ZNF578: variants seen among roughly 807,000 people sequenced by gnomAD.
ZNF578 encodes the protein zinc finger protein 578, also known as Putative chemokine-related protein B42.
Under a neutral mutation model 8.3 loss-of-function variants are expected in ZNF578, and 8 were observed. The ratio of observed to expected loss-of-function variants is 0.96; its 90% CI spans 0.56 to 1.74. The LOEUF (loss-of-function observed/expected upper bound fraction) is 1.74. Ranked by LOEUF, ZNF578 falls within the 40% of genes most tolerant of loss-of-function variation. ZNF578 has a pLI of 0.00. For synonymous variants in ZNF578, 206 were observed against 232.2 expected (o/e 0.89, Z 1.03); for missense variants, 726 against 707.5 (o/e 1.03, Z -0.30).
intron 2 of ZNF578, among the ~76,000 whole-genome samples, chr19:52,460,248 G>T (rs1288224478): frequency 6.6e-6 from 1 of 151,838 alleles, no homozygotes; most frequent in Non-Finnish European, 1.5e-5. Context: ...TCAGTAATGG[G>T]TATACCATTT....
intron 2 of ZNF578, among the ~76,000 whole-genome samples, chr19:52,477,936 G>T (rs2059313248): frequency 6.6e-6 from 1 of 152,178 alleles, no homozygotes; most frequent in African/African-American, 2.4e-5. Context: ...ATTGTACTGG[G>T]ACTCCCTCTT....
Position 52,516,072 on chromosome 19 carries a change from A to G in ZNF578, c.*3918A>G, listed in dbSNP as rs1350553383. Among the ~76,000 whole-genome samples, 6 of 151,758 alleles carry G rather than the reference A, an allele frequency of 4.0e-5. No homozygotes were observed. Among genetic ancestry groups the G allele is most frequent in the Non-Finnish European group, 7.4e-5 (5 of 67,950 alleles). ...TCATGACTCCCTCTGCCCCAGTCAC[A>G]TTTGCTTTTCTCTTTTCCCAAACAT... On this transcript the variant is annotated 3_prime_UTR_variant, in exon 6 of 6. Transcript: ENST00000421239.
At chr19:52,474,013 A>G (rs541043062) in intron 2 of ZNF578, 27 of 416,170 alleles carry the variant, frequency 6.5e-5, no homozygotes, top group Admixed American at 1.2e-4. Flanking sequence ...GAGTTCTCCA[A>G]TGTCGTGCAA....
chr19:52,481,084 C>T (rs757015437), intron 2 of ZNF578, among the ~76,000 whole-genome samples: 20 of 152,064 alleles, frequency 1.3e-4, no homozygotes, highest in Non-Finnish European at 2.5e-4. Context: ...TGACTCTGAG[C>T]ACTCACAGGC....
At position 52,510,894 on chromosome 19, in the gene ZNF578, G is replaced by T. The variant is rs748352758; in HGVS notation, c.513G>T (p.Gln171His). 15 of 1,614,156 alleles carry T rather than the reference G, an allele frequency of 9.3e-6. No homozygotes were observed. The highest frequency in any genetic ancestry group is 1.7e-5 in the Admixed American group (1 of 60,012). Residue 171 changes from glutamine to histidine, a missense_variant, in exon 6 of 6, where the codon CAG becomes CAT. By Grantham distance (24) the Gln-to-His change is conservative (BLOSUM62 0). Coordinates refer to ENST00000421239, the MANE Select transcript of ZNF578 (RefSeq NM_001099694.2). ...ATCTTCCTGAACTCCACATATTTCA[G>T]CCCGAAGAGAAAATTGCTAATCAAG... ...HLHLPELHIF[Q>H]PEEKIANQVE...
At chr19:52,461,959 C>CT (rs1454215945) in intron 2 of ZNF578, among the ~76,000 whole-genome samples, 1 of 152,126 alleles carries the variant, frequency 6.6e-6, no homozygotes, top group East Asian at 1.9e-4. Context: ...AGTGTCATCT[C>CT]TTTGATAGTA....
chr19:52,477,177 C>CTCTAAATGCCAGGGGGAGCTTTGGTA (rs2059310810), intron 2 of ZNF578, among the ~76,000 whole-genome samples: 1 of 152,166 alleles, frequency 6.6e-6, no homozygotes, highest in Admixed American at 6.5e-5. Flanking sequence ...TGGTAAAGGT[C>CTCTAAATGCCAGGGGGAGCTTTGGTA]TCTAAATGCC....
At chr19:52,476,410 T>C (rs997219276) in intron 2 of ZNF578, among the ~76,000 whole-genome samples, 1 of 152,178 alleles carries the variant, frequency 6.6e-6, no homozygotes, top group African/African-American at 2.4e-5. Flanking sequence ...GCTGAGCCAT[T>C]CTAATGGTAA....
rs748264910 is a variant in ZNF578, at chr19:52,511,861, C to T, written c.1480C>T (p.His494Tyr). The change falls in exon 6 of 6, where the codon CAC (histidine) becomes TAC (tyrosine). Residue 494 changes from histidine to tyrosine, a missense_variant. His to Tyr is a moderately conservative substitution (Grantham distance 83). Transcript: ENST00000421239. ...TAATGAGTGTCACAAGACCTTCAGT[C>T]ACAGGTCATCTCTTCCATGCCATCG... ...KCNECHKTFSHRSSLPCHRRL... is the reference protein window; with the variant it reads ...KCNECHKTFSYRSSLPCHRRL... 1 of 1,612,968 alleles carries T rather than the reference C, an allele frequency of 6.2e-7. No homozygotes were observed. The highest frequency in any genetic ancestry group is 8.5e-7 in the Non-Finnish European group (1 of 1,179,612).
intron 2 of ZNF578, among the ~76,000 whole-genome samples, chr19:52,467,588 C>T (rs1331769961): frequency 2.0e-5 from 3 of 151,484 alleles, no homozygotes; most frequent in African/African-American, 7.3e-5. Flanking sequence ...GCATTCCAGC[C>T]TGTGGGAAAC....
intron 2 of ZNF578, among the ~76,000 whole-genome samples, chr19:52,469,603 G>A (rs2059286053): frequency 6.6e-6 from 1 of 152,154 alleles, no homozygotes; most frequent in Non-Finnish European, 1.5e-5. Context: ...GGTATGCATT[G>A]TTCAGAGACT....
intron 2 of ZNF578, chr19:52,458,759 A>C (rs762347805): frequency 4.6e-5 from 7 of 151,558 alleles, no homozygotes; most frequent in Non-Finnish European, 8.8e-5. Flanking sequence ...TGTTTGTTTC[A>C]TCTTGATTTG....
At chr19:52,491,561 GAA>G (rs1252675612) in intron 3 of ZNF578, 136 bp downstream of exon 3, 5 of 152,198 alleles carry the variant, frequency 3.3e-5, no homozygotes, top group African/African-American at 1.2e-4. Context: ...GCAAAAATAC[GAA>G]AGTTAGCTGG....
intron 2 of ZNF578, among the ~76,000 whole-genome samples, chr19:52,485,987 G>A (rs12463026): frequency 0.55 from 82,750 of 151,654 alleles, 22,692 homozygotes; most frequent in African/African-American, 0.6. Flanking sequence ...ATTAGTGAAA[G>A]AGGAAGGCCT....
At chr19:52,495,855 C>G (rs1000306498) in intron 3 of ZNF578, among the ~76,000 whole-genome samples, 2 of 151,992 alleles carry the variant, frequency 1.3e-5, no homozygotes, top group African/African-American at 4.8e-5. Flanking sequence ...ACCCTCTTCC[C>G]TTTTCATGGC....
At chr19:52,458,468 T>TTACATATATATATA (rs2059246190) in intron 2 of ZNF578, 3 of 121,752 alleles carry the variant, frequency 2.5e-5, no homozygotes, top group Non-Finnish European at 3.1e-5. Context: ...GCTACTATGT[T>TTACATATATATATA]TATATATATA....
Position 52,483,755 on chromosome 19 carries a change from T to G in ZNF578, c.-121-7569T>G, listed in dbSNP as rs1046560703. 1.3e-4 allele frequency among the ~76,000 whole-genome samples: 20 copies of G among 152,368 alleles called. No homozygotes were observed. The East Asian group carries it at 3.9e-3, about 29-fold the overall frequency. Reference sequence around the variant, plus strand: ...AAAATTGCTCTATTGCCTGGTGTTATGTAACTGTACTTGTGACATCATAAT... The same window carrying G: ...AAAATTGCTCTATTGCCTGGTGTTAGGTAACTGTACTTGTGACATCATAAT... On this transcript the variant is annotated intron_variant, in intron 2 of 5. Coordinates refer to ENST00000421239, the MANE Select transcript of ZNF578 (RefSeq NM_001099694.2).
At chr19:52,477,888 A>G (rs190039268) in intron 2 of ZNF578, among the ~76,000 whole-genome samples, 285 of 152,354 alleles carry the variant, frequency 1.9e-3, no homozygotes, top group African/African-American at 6.4e-3. Context: ...GAAATTGTGC[A>G]TAAGGTTCCT....
rs1001119575 is a variant in ZNF578 at position 52,461,366 on chromosome 19, C to T, written c.-122+4408C>T. ...AGTCTGTCTAAGATCATTGATTTGC[C>T]AATTTTCTTTGGTCTGTTTGAGTCT... On this transcript the variant is annotated intron_variant, in intron 2 of 5. Transcript: ENST00000421239. 2.6e-5 allele frequency among the ~76,000 whole-genome samples: 4 copies of T among 152,178 alleles called. No individual in the cohort carries two copies. In the East Asian group the frequency reaches 5.8e-4, roughly 22 times the overall value.
Sources: allele counts gnomAD v4.1 joint callset (sites outside exome capture counted in the v4.1 genomes callset), GRCh38; gene constraint gnomAD v4.1.1; transcripts MANE v1.5; gene names NCBI Gene and HGNC (gene_info 2026-07-23, HGNC 2026-07-21).